The following MSI2 variants were observed in gnomAD, a reference collection of about 807,000 sequenced individuals.
MSI2 encodes the protein musashi RNA binding protein 2.
In MSI2, 17 loss-of-function variants were observed where a neutral mutation model predicts 45.6. The observed-to-expected ratio is 0.37, with a 90% CI of 0.26 to 0.56. The LOEUF is 0.56. MSI2 is among the 20% of genes least tolerant of loss of function. The pLI, the probability that MSI2 is intolerant of heterozygous loss-of-function variation, is 0.77. For missense variants in MSI2, 293 were observed against 444.2 expected (o/e 0.66, Z 3.06); for synonymous variants, 156 against 158.2 (o/e 0.99, Z 0.11).
intron 6 of MSI2, among the ~76,000 whole-genome samples, chr17:57,408,686 T>C (rs1195498598): frequency 6.6e-6 from 1 of 151,912 alleles, no homozygotes; most frequent in Admixed American, 6.6e-5. Flanking sequence ...ATGGAGTTGT[T>C]AGTAGGAGAA....
the MSI2 span, among the ~76,000 whole-genome samples, chr17:57,691,744 A>T: frequency 0.032 from 4,854 of 152,210 alleles, 97 homozygotes; most frequent in Middle Eastern, 0.085. Flanking sequence ...TTATAGATTC[A>T]TTGGGACTTT....
At chr17:57,344,862 A>G (rs1369870380) in intron 5 of MSI2, among the ~76,000 whole-genome samples, 1 of 152,202 alleles carries the variant, frequency 6.6e-6, no homozygotes, top group African/African-American at 2.4e-5. Flanking sequence ...CAGGAGTTCG[A>G]GACCAGCCTG....
rs73329361 is a variant in MSI2 at position 57,497,523 on chromosome 17, G to A, written c.406-32153G>A. Among the ~76,000 whole-genome samples the A allele has an allele frequency of 8.9e-3, 1,350 of 152,306 alleles. 17 individuals carry two copies. Among genetic ancestry groups the A allele is most frequent in the African/African-American group, 0.031 (1,272 of 41,546 alleles). On this transcript the variant is annotated intron_variant, in intron 6 of 13. Coordinates refer to ENST00000284073, the MANE Select transcript of MSI2 (RefSeq NM_138962.4). ...GGGAACAGAGAGGTTCAGGAATGTCGGGTCTTTGTCAAGGTTACATGGCTG... is the reference window on the plus strand; with the variant it reads ...GGGAACAGAGAGGTTCAGGAATGTCAGGTCTTTGTCAAGGTTACATGGCTG...
chr17:57,396,413 CCACA>C (rs55688182), intron 5 of MSI2, among the ~76,000 whole-genome samples: 18 of 150,184 alleles, frequency 1.2e-4, no homozygotes, highest in Non-Finnish European at 1.8e-4. Context: ...AGCACACACA[CCACA>C]CACACACACA....
chr17:57,487,378 C>T (rs952151923), intron 6 of MSI2, among the ~76,000 whole-genome samples: 5 of 152,058 alleles, frequency 3.3e-5, no homozygotes, highest in African/African-American at 1.2e-4. Flanking sequence ...TTTTTCTGTC[C>T]CCACATCTCC....
At chr17:57,671,272 CGTT>C (rs1166382617) in intron 11 of MSI2, among the ~76,000 whole-genome samples, 1 of 152,198 alleles carries the variant, frequency 6.6e-6, no homozygotes, top group African/African-American at 2.4e-5. Flanking sequence ...GTTTGCAAGA[CGTT>C]GTCCTCTTCT....
intron 5 of MSI2, among the ~76,000 whole-genome samples, chr17:57,262,900 A>G (rs992035172): frequency 6.6e-6 from 1 of 152,238 alleles, no homozygotes; most frequent in African/African-American, 2.4e-5. Flanking sequence ...ATGAGAACAC[A>G]GTTGCTTGAA....
chr17:57,563,098 CAAAAAAAAAAAAAA>C (rs59975200), intron 7 of MSI2, among the ~76,000 whole-genome samples: 2 of 71,272 alleles, frequency 2.8e-5, no homozygotes, highest in Admixed American at 1.9e-4. Context: ...ACTTCGTCTC[CAAAAAAAAAAAAAA>C]AAAAAAAAAC....
intron 9 of MSI2, among the ~76,000 whole-genome samples, chr17:57,619,301 C>G (rs1908048900): frequency 6.6e-6 from 1 of 152,188 alleles, no homozygotes; most frequent in South Asian, 2.1e-4. Context: ...CCCTGGGTAG[C>G]CTTGGGACAC....
At chr17:57,457,751 A>C (rs909353904) in intron 6 of MSI2, among the ~76,000 whole-genome samples, 8 of 151,878 alleles carry the variant, frequency 5.3e-5, no homozygotes, top group Non-Finnish European at 8.8e-5. Flanking sequence ...AAAATCAAAT[A>C]AAATAAAATT....
chr17:57,684,059 A>C lies in MSI2; in HGVS notation c.*4542A>C. 1 of 215,072 alleles carries C rather than the reference A, an allele frequency of 4.6e-6. No homozygotes were observed. Among genetic ancestry groups the C allele is most frequent in the Non-Finnish European group, 9.4e-6 (1 of 106,640 alleles). 13.3% of individuals were successfully genotyped at this position (215,072 alleles called of 1,614,324 possible). On this transcript the variant is annotated 3_prime_UTR_variant, in exon 14 of 14. Transcript: ENST00000284073. ...AACACCTGGCTATCAAATAATCAGAATGTATTGTCTCAGACAGGATTTCAG... is the reference window on the plus strand; with the variant it reads ...AACACCTGGCTATCAAATAATCAGACTGTATTGTCTCAGACAGGATTTCAG...
At chr17:57,588,265 T>C (rs2144405362) in intron 7 of MSI2, among the ~76,000 whole-genome samples, 1 of 152,356 alleles carries the variant, frequency 6.6e-6, no homozygotes, top group Non-Finnish European at 1.5e-5. Context: ...GTCTTTGTTC[T>C]TAACCATCCC....
intron 8 of MSI2, among the ~76,000 whole-genome samples, chr17:57,610,016 A>G (rs1907070554): frequency 6.6e-6 from 1 of 152,212 alleles, no homozygotes; most frequent in African/African-American, 2.4e-5. Context: ...AAAGGTCATT[A>G]TCGGGTCCGC....
At chr17:57,438,165 A>C (rs1471961709) in intron 6 of MSI2, among the ~76,000 whole-genome samples, 11 of 152,116 alleles carry the variant, frequency 7.2e-5, no homozygotes, top group Non-Finnish European at 4.4e-5. Flanking sequence ...GTTTAGCCCG[A>C]GCTGGGGTGC....
At position 57,652,996 on chromosome 17, in the gene MSI2, G is replaced by A. The variant is rs147585388; in HGVS notation, c.790+835G>A. On this transcript the variant is annotated intron_variant, in intron 11 of 13. Transcript: ENST00000284073. The surrounding 1 kb of genome is among the most constrained non-coding windows in gnomAD (Gnocchi z 4.1). ...TCCCCACCCCTGCTCCCTGAACTGA[G>A]TGGTCATGGTTTGCAGCTCTGTCCC... 2.2e-3 allele frequency among the ~76,000 whole-genome samples: 337 copies of A among 152,236 alleles called. 2 individuals are homozygous for A. Among genetic ancestry groups the A allele is most frequent in the Middle Eastern group, 0.014 (4 of 294 alleles).
At chr17:57,352,771 A>T (rs1405879794) in intron 5 of MSI2, among the ~76,000 whole-genome samples, 1 of 152,222 alleles carries the variant, frequency 6.6e-6, no homozygotes, top group African/African-American at 2.4e-5. Context: ...TTCTTGGTCC[A>T]TGTGGATTTA....
chr17:57,362,828 G>A (rs974615141), intron 5 of MSI2, among the ~76,000 whole-genome samples: 6 of 152,138 alleles, frequency 3.9e-5, no homozygotes, highest in Non-Finnish European at 7.4e-5. Flanking sequence ...CAGGAGATGC[G>A]ATGTTCAACC....
intron 5 of MSI2, among the ~76,000 whole-genome samples, chr17:57,322,644 G>A (rs1357631111): frequency 1.3e-5 from 2 of 152,114 alleles, no homozygotes; most frequent in Non-Finnish European, 1.5e-5. Flanking sequence ...ATCCCTGGCC[G>A]TCAGATTTGT....
At chr17:57,663,858 G>A (rs1302195891) in intron 11 of MSI2, among the ~76,000 whole-genome samples, 2 of 152,158 alleles carry the variant, frequency 1.3e-5, no homozygotes, top group Non-Finnish European at 2.9e-5. Context: ...TCTGCTGGAG[G>A]TTTACACTGT....
Sources: gnomAD v4.1 joint callset for allele counts (sites outside exome capture counted in the v4.1 genomes callset) on GRCh38, gnomAD v4.1.1 for gene constraint, Gnocchi (gnomAD v3.1) non-coding constraint, MANE v1.5 for transcripts, NCBI Gene and HGNC (gene_info 2026-07-23, HGNC 2026-07-21) for gene names.